Variants in FNDC3B observed in about 807,000 individuals in gnomAD.
FNDC3B encodes fibronectin type III domain-containing protein 3B.
A neutral mutation model predicts 151.5 loss-of-function variants in FNDC3B; 12 were observed. The observed-to-expected ratio is 0.08, with a 90% confidence interval of 0.05 to 0.13. FNDC3B has a LOEUF of 0.13. FNDC3B is among the 10% of genes least tolerant of loss of function. The pLI is 1.00. For missense variants in FNDC3B, 1,214 were observed against 1,505.3 expected, an observed-to-expected ratio of 0.81 and a Z score of 3.20; for synonymous variants, 528 against 549.0, an observed-to-expected ratio of 0.96 and a Z score of 0.54.
chr3:172,055,378 C>T (rs1356468590), intron 1 of FNDC3B, among the ~76,000 whole-genome samples: 1 of 152,120 alleles, frequency 6.6e-6, no homozygotes, highest in African/African-American at 2.4e-5. Flanking sequence ...CTTATTGACA[C>T]CCGTGGCAAT....
intron 4 of FNDC3B, among the ~76,000 whole-genome samples, chr3:172,230,290 C>G (rs1331920994): frequency 6.7e-6 from 1 of 150,022 alleles, no homozygotes; most frequent in Non-Finnish European, 1.5e-5. Flanking sequence ...GTCTGAAGTT[C>G]GAGACCAGCC....
intron 6 of FNDC3B, among the ~76,000 whole-genome samples, chr3:172,274,422 A>T (rs1188147221): frequency 6.6e-6 from 1 of 152,166 alleles, no homozygotes; most frequent in African/African-American, 2.4e-5. Flanking sequence ...GCCCCCAAGA[A>T]GAAGTAGACT....
At chr3:172,288,702 C>G (rs1396648643) in intron 7 of FNDC3B, among the ~76,000 whole-genome samples, 1 of 152,156 alleles carries the variant, frequency 6.6e-6, no homozygotes, top group East Asian at 1.9e-4. Flanking sequence ...TATCTCATGC[C>G]CTTTTTAACA....
In FNDC3B at chr3:172,055,582, A is replaced by G. The variant is rs188785440; in HGVS notation, c.-29+15811A>G. Among the ~76,000 whole-genome samples, 41 of 152,286 alleles carry G rather than the reference A, an allele frequency of 2.7e-4. No homozygotes were observed. The East Asian group carries it at 7.9e-3, about 29-fold the overall frequency. On this transcript the variant is annotated intron_variant, in intron 1 of 25. Transcript: ENST00000415807. ...AAAAAAGAGAACAGAGGATTCAAATAAATGTCTCTAATAGATTATTTTAGC... is the reference window on the plus strand; with the variant it reads ...AAAAAAGAGAACAGAGGATTCAAATGAATGTCTCTAATAGATTATTTTAGC...
At chr3:172,077,179 A>G (rs1013681143) in intron 1 of FNDC3B, among the ~76,000 whole-genome samples, 2 of 152,224 alleles carry the variant, frequency 1.3e-5, no homozygotes, top group South Asian at 4.1e-4. Flanking sequence ...AGTGTTTATA[A>G]TAAGTTGAAT....
chr3:172,227,017 G>A, intron 4 of FNDC3B, 70 bp downstream of exon 4: 2 of 1,065,610 alleles, frequency 1.9e-6, no homozygotes, highest in Non-Finnish European at 2.9e-6. Flanking sequence ...ATATGTTGAG[G>A]CTTCAAAGCC....
intron 3 of FNDC3B, among the ~76,000 whole-genome samples, chr3:172,198,328 T>C (rs1173847224): frequency 6.6e-6 from 1 of 152,194 alleles, no homozygotes; most frequent in African/African-American, 2.4e-5. Context: ...TCTTAGTGGA[T>C]AGAGCTGGAG....
chr3:172,250,368 C>T (rs912036449), intron 5 of FNDC3B, among the ~76,000 whole-genome samples: 1 of 152,130 alleles, frequency 6.6e-6, no homozygotes, highest in Non-Finnish European at 1.5e-5. Context: ...TTGAACATTT[C>T]CCCTGATTCT....
intron 1 of FNDC3B, among the ~76,000 whole-genome samples, chr3:172,099,374 C>T (rs1719260805): frequency 6.6e-6 from 1 of 151,614 alleles, no homozygotes; most frequent in African/African-American, 2.4e-5. Context: ...CATGGCGGGA[C>T]TTAAAATGGG....
chr3:172,188,052 A>G (rs1486276194), intron 3 of FNDC3B, among the ~76,000 whole-genome samples: 20 of 148,360 alleles, frequency 1.3e-4, no homozygotes, highest in Non-Finnish European at 2.4e-4. Flanking sequence ...CTGGAGTGCA[A>G]TGGCGCGATC....
chr3:172,164,614 C>A (rs751178575), intron 3 of FNDC3B, among the ~76,000 whole-genome samples: 1 of 151,976 alleles, frequency 6.6e-6, no homozygotes, highest in Non-Finnish European at 1.5e-5. Context: ...TATTTAAGTG[C>A]GAAGAAATGG....
intron 3 of FNDC3B, among the ~76,000 whole-genome samples, chr3:172,193,300 A>C (rs1231485330): frequency 9.1e-3 from 5 of 550 alleles, no homozygotes; most frequent in Admixed American, 0.022. Context: ...TCCCTCTCCC[A>C]TCCCCCTCCC....
At chr3:172,169,861 G>A (rs1296349181) in intron 3 of FNDC3B, among the ~76,000 whole-genome samples, 1 of 152,122 alleles carries the variant, frequency 6.6e-6, no homozygotes, top group African/African-American at 2.4e-5. Flanking sequence ...TACATTTTAT[G>A]CTTGCCACAA....
At chr3:172,344,041 G>C in intron 18 of FNDC3B, 45 bp from the exon 19 acceptor site, 2 of 1,554,430 alleles carry the variant, frequency 1.3e-6, no homozygotes, top group Non-Finnish European at 1.8e-6. Context: ...TTGGTCAACT[G>C]GAAGCACAAA....
intron 6 of FNDC3B, among the ~76,000 whole-genome samples, chr3:172,257,000 G>A (rs186553773): frequency 4.7e-4 from 71 of 151,464 alleles, no homozygotes; most frequent in African/African-American, 1.7e-3. Context: ...GCGCAATTTC[G>A]GCTCACTGAG....
chr3:172,353,205 C>G, intron 22 of FNDC3B, 122 bp downstream of exon 22: 1 of 939,522 alleles, frequency 1.1e-6, no homozygotes, highest in East Asian at 2.6e-5. Context: ...CCCAGATGTC[C>G]AGAGTATTGT....
At chr3:172,063,948 G>A (rs1183503956) in intron 1 of FNDC3B, among the ~76,000 whole-genome samples, 1 of 152,086 alleles carries the variant, frequency 6.6e-6, no homozygotes, top group Non-Finnish European at 1.5e-5. Flanking sequence ...CATCATGAGG[G>A]TGGATCCCTC....
chr3:172,098,983 A>T (rs981565210), intron 1 of FNDC3B, among the ~76,000 whole-genome samples: 1 of 152,224 alleles, frequency 6.6e-6, no homozygotes, highest in African/African-American at 2.4e-5. Flanking sequence ...CCTCTCGGCA[A>T]TGTAAATACA....
rs76833731 is a variant in FNDC3B, at chr3:172,286,054, T to C, written c.849+70T>C. On this transcript the variant is annotated intron_variant, in intron 7 of 25. Transcript: ENST00000415807. ...ATTTCAAATGTGCTTTTTTTTTTTT[T>C]CCACCACACAGTAGGTAAGGAAAAG... 56 of 982,522 alleles carry C rather than the reference T, an allele frequency of 5.7e-5. 1 individual carries two copies. Among genetic ancestry groups the C allele is most frequent in the Admixed American group, 8.5e-5 (4 of 46,932 alleles). The allele number at this position is 982,522 out of a possible 1,614,324, so 60.9% of individuals were successfully genotyped here.
Sources: gnomAD v4.1 joint callset for allele counts (sites outside exome capture counted in the v4.1 genomes callset) on GRCh38, gnomAD v4.1.1 for gene constraint, MANE v1.5 for transcripts, NCBI Gene and HGNC (gene_info 2026-07-23, HGNC 2026-07-21) for gene names.